Variants in FRMD4A observed in about 807,000 individuals in gnomAD.
FRMD4A encodes FERM domain-containing protein 4A.
Under a neutral mutation model 129.1 loss-of-function variants are expected in FRMD4A, and 29 were observed. The observed-to-expected ratio is 0.22, with a 90% CI of 0.17 to 0.31. The LOEUF is 0.31. FRMD4A is among the 10% of genes least tolerant of loss of function. FRMD4A has a pLI of 1.00. For synonymous variants in FRMD4A, 634 were observed against 571.6 expected (o/e 1.11, Z -1.56); for missense variants, 1,272 against 1,375.8 (o/e 0.92, Z 1.19).
At chr10:13,848,197 C>T (rs1053182832) in intron 3 of FRMD4A, among the ~76,000 whole-genome samples, 1 of 152,082 alleles carries the variant, frequency 6.6e-6, no homozygotes, top group Non-Finnish European at 1.5e-5. Flanking sequence ...CTATGGGGCA[C>T]CATAGAGAGG....
At chr10:14,085,220 G>T (rs1836195143) in intron 2 of FRMD4A, among the ~76,000 whole-genome samples, 1 of 152,180 alleles carries the variant, frequency 6.6e-6, no homozygotes. Context: ...GATGTTTGGA[G>T]ATGAAGACGC....
intron 6 of FRMD4A, among the ~76,000 whole-genome samples, chr10:13,769,241 G>GCA (rs961993356): frequency 2.0e-5 from 3 of 150,490 alleles, no homozygotes; most frequent in African/African-American, 7.4e-5. Context: ...GTGTGTGTGC[G>GCA]TATGTGTGTG....
rs1386959377 is a variant in FRMD4A, at chr10:13,707,774, T to C, written c.760-661A>G. ...CTGCAGCACAAAGAAAACCAAGAGT[T>C]CTGTCGCCCGGAAGGACGCTGCGGC... On this transcript the variant is annotated intron_variant, in intron 12 of 24. Transcript: ENST00000357447. 8 of 985,224 alleles carry C rather than the reference T, an allele frequency of 8.1e-6. No individual in the cohort carries two copies. In the South Asian group the frequency reaches 2.3e-4, roughly 29 times the overall value. 61.0% of individuals were successfully genotyped at this position (985,224 alleles called of 1,614,324 possible). A position where few individuals can be genotyped will look rare whatever the true frequency, so the allele number is the denominator to read the frequency against.
intron 9 of FRMD4A, among the ~76,000 whole-genome samples, chr10:13,745,016 T>C (rs962315675): frequency 6.6e-6 from 1 of 152,244 alleles, no homozygotes; most frequent in Non-Finnish European, 1.5e-5. Flanking sequence ...AGGGAAATTA[T>C]AGTTAACAAT....
intron 8 of FRMD4A, among the ~76,000 whole-genome samples, chr10:13,758,838 T>C (rs1287278645): frequency 2.0e-5 from 3 of 152,196 alleles, no homozygotes; most frequent in African/African-American, 4.8e-5. Context: ...CAACTTTCTA[T>C]AATAAATCAT....
Position 13,698,104 on chromosome 10 carries a change from GAC to G in FRMD4A, c.975+3234_975+3235del, listed in dbSNP as rs1050911903. On this transcript the variant is annotated intron_variant, in intron 14 of 24. Transcript: ENST00000357447. The stretch of plus-strand genomic sequence containing the variant: ...GAGCTGATGGAGGGAGGGAGGGAGA[GAC>G]AGGCAGAGAGAAAGAAGGAGAGATT... Among the ~76,000 whole-genome samples, 91 of 152,276 alleles carry G rather than the reference GAC, an allele frequency of 6.0e-4. No homozygotes were observed. In the East Asian group the frequency reaches 0.016, roughly 27 times the overall value.
At chr10:14,277,996 C>G (rs1281447053) in intron 2 of FRMD4A, among the ~76,000 whole-genome samples, 1 of 152,190 alleles carries the variant, frequency 6.6e-6, no homozygotes, top group Admixed American at 6.5e-5. Flanking sequence ...CTCAGTTCCC[C>G]CAGTGCCTTC....
intron 2 of FRMD4A, among the ~76,000 whole-genome samples, chr10:14,164,982 T>C (rs566342399): frequency 6.6e-6 from 1 of 152,288 alleles, no homozygotes; most frequent in South Asian, 2.1e-4. Flanking sequence ...ACCCAAAAGA[T>C]TGGACACCCC....
intron 2 of FRMD4A, among the ~76,000 whole-genome samples, chr10:14,237,923 C>T (rs995269673): frequency 6.6e-6 from 1 of 152,204 alleles, no homozygotes; most frequent in Non-Finnish European, 1.5e-5. Context: ...TTCTCATCTG[C>T]TTTCAGCAGC....
intron 2 of FRMD4A, among the ~76,000 whole-genome samples, chr10:14,143,783 T>TGGTTA (rs1839950889): frequency 6.6e-6 from 1 of 151,986 alleles, no homozygotes; most frequent in Non-Finnish European, 1.5e-5. Flanking sequence ...CCTGGCTAAC[T>TGGTTA]TTTGTATGTT....
chr10:13,951,294 G>A (rs888318291), intron 2 of FRMD4A, among the ~76,000 whole-genome samples: 1 of 152,106 alleles, frequency 6.6e-6, no homozygotes, highest in Non-Finnish European at 1.5e-5. Context: ...GGAAGAGTGA[G>A]TTGCACCTGA....
intron 2 of FRMD4A, among the ~76,000 whole-genome samples, chr10:14,213,236 C>T (rs1842980299): frequency 6.6e-6 from 1 of 151,946 alleles, no homozygotes; most frequent in African/African-American, 2.4e-5. Flanking sequence ...AGAGAAAGAC[C>T]CTGTCTCTAA....
intron 2 of FRMD4A, among the ~76,000 whole-genome samples, chr10:14,245,780 G>A (rs1380934746): frequency 1.3e-5 from 2 of 152,066 alleles, no homozygotes; most frequent in African/African-American, 4.8e-5. Flanking sequence ...CCTTAATCTC[G>A]GACTGCTGGT....
chr10:14,245,378 TGAAG>T (rs1844196660), intron 2 of FRMD4A, among the ~76,000 whole-genome samples: 2 of 152,314 alleles, frequency 1.3e-5, no homozygotes, highest in Admixed American at 1.3e-4. Context: ...GATTGCTTTG[TGAAG>T]GAAGTTAGTT....
At chr10:13,977,908 G>C (rs2095547685) in intron 2 of FRMD4A, among the ~76,000 whole-genome samples, 1 of 152,164 alleles carries the variant, frequency 6.6e-6, no homozygotes, top group Admixed American at 6.5e-5. Flanking sequence ...ATGGACATGT[G>C]GGTTGTTCCC....
chr10:13,679,640 CAG>C (rs999816565), intron 15 of FRMD4A, among the ~76,000 whole-genome samples: 22 of 151,368 alleles, frequency 1.5e-4, no homozygotes, highest in African/African-American at 5.3e-4. Context: ...TTCCTCAAAA[CAG>C]AGCAGCTCCC....
intron 2 of FRMD4A, among the ~76,000 whole-genome samples, chr10:14,209,918 G>A (rs1160002807): frequency 6.6e-6 from 1 of 152,058 alleles, no homozygotes; most frequent in African/African-American, 2.4e-5. Flanking sequence ...GACACACAGA[G>A]GAGGAAGCCA....
chr10:14,185,769 G>A (rs899885256), intron 2 of FRMD4A, among the ~76,000 whole-genome samples: 2 of 152,122 alleles, frequency 1.3e-5, no homozygotes, highest in South Asian at 2.1e-4. Flanking sequence ...ACCAGCCAAA[G>A]CAACAGATAC....
chr10:13,652,027 G>A, intron 23 of FRMD4A, 53 bp from the exon 24 acceptor site: 2 of 930,080 alleles, frequency 2.2e-6, no homozygotes, highest in Non-Finnish European at 3.6e-6. Flanking sequence ...GTTACAGAGA[G>A]ACACTGACAC....
Sources: allele counts gnomAD v4.1 joint callset (sites outside exome capture counted in the v4.1 genomes callset), GRCh38; gene constraint gnomAD v4.1.1; transcripts MANE v1.5; gene names NCBI Gene and HGNC (gene_info 2026-07-23, HGNC 2026-07-21).